The following CDIN1 variants were observed in gnomAD, a reference collection of about 807,000 sequenced individuals.
CDIN1 encodes CDAN1-interacting nuclease 1.
In CDIN1, 33 loss-of-function variants were observed where a neutral mutation model predicts 45.3. That is an observed-to-expected ratio of 0.73 (90% CI 0.55 to 0.97). The LOEUF is 0.97. CDIN1 is among the 50% of genes least tolerant of loss of function. CDIN1 has a pLI of 0.00. For missense variants in CDIN1, 303 were observed against 339.4 expected, an observed-to-expected ratio of 0.89 and a Z score of 0.84; for synonymous variants, 118 against 124.4, an observed-to-expected ratio of 0.95 and a Z score of 0.34.
chr15:36,797,931 G>T (rs1289082411), intron 10 of CDIN1, among the ~76,000 whole-genome samples: 1 of 134,758 alleles, frequency 7.4e-6, no homozygotes, highest in Non-Finnish European at 1.5e-5. Context: ...AGTGAGCCAA[G>T]ATCACACCAC....
chr15:36,659,411 A>G (rs1044965302), intron 5 of CDIN1, among the ~76,000 whole-genome samples: 2 of 152,178 alleles, frequency 1.3e-5, no homozygotes, highest in African/African-American at 4.8e-5. Flanking sequence ...TTGCATGAAT[A>G]CACTGGAGAA....
At chr15:36,692,095 A>G in intron 6 of CDIN1, 31 bp from the exon 7 acceptor site, 2 of 1,609,980 alleles carry the variant, frequency 1.2e-6, no homozygotes, top group Middle Eastern at 1.7e-4. Context: ...TAGCCGCCCC[A>G]CCCCAGACCC....
intron 10 of CDIN1, among the ~76,000 whole-genome samples, chr15:36,715,184 G>T (rs2043179727): frequency 6.6e-6 from 1 of 151,894 alleles, no homozygotes; most frequent in Non-Finnish European, 1.5e-5. Flanking sequence ...AAACGATTAA[G>T]AGCTGAGTTC....
chr15:36,699,602 C>T (rs1208696496), intron 8 of CDIN1, among the ~76,000 whole-genome samples: 1 of 152,164 alleles, frequency 6.6e-6, no homozygotes, highest in Non-Finnish European at 1.5e-5. Context: ...ATTAACCCTT[C>T]TTAATTTAAG....
At chr15:36,596,502 A>T (rs1881206476) in intron 1 of CDIN1, among the ~76,000 whole-genome samples, 1 of 152,154 alleles carries the variant, frequency 6.6e-6, no homozygotes, top group Non-Finnish European at 1.5e-5. Context: ...TTGTAAACTT[A>T]TTAATTAAGG....
intron 10 of CDIN1, among the ~76,000 whole-genome samples, chr15:36,751,833 T>G (rs1437243095): frequency 1.3e-5 from 2 of 152,126 alleles, no homozygotes; most frequent in Non-Finnish European, 2.9e-5. Flanking sequence ...AGGAACAAGA[T>G]CATGTCCTTC....
intron 1 of CDIN1, among the ~76,000 whole-genome samples, chr15:36,609,560 G>A (rs1282563420): frequency 1.3e-5 from 2 of 152,134 alleles, no homozygotes; most frequent in East Asian, 3.9e-4. Context: ...GAAGCCAGGA[G>A]TTTGAGAAAA....
At chr15:36,634,928 A>T (rs1250688344) in intron 1 of CDIN1, among the ~76,000 whole-genome samples, 1 of 152,024 alleles carries the variant, frequency 6.6e-6, no homozygotes, top group East Asian at 1.9e-4. Context: ...ATTTCTGAAA[A>T]TTTTTTGGAG....
intron 3 of CDIN1, among the ~76,000 whole-genome samples, chr15:36,652,257 G>GT (rs900868541): frequency 5.9e-5 from 9 of 152,026 alleles, no homozygotes; most frequent in African/African-American, 1.7e-4. Context: ...ACCATGAATG[G>GT]TTTTTTTTCC....
At chr15:36,592,174 C>T (rs2037608558) in intron 1 of CDIN1, among the ~76,000 whole-genome samples, 1 of 152,146 alleles carries the variant, frequency 6.6e-6, no homozygotes, top group Non-Finnish European at 1.5e-5. Context: ...ATTTTCCTGG[C>T]CAAACAGAAC....
chr15:36,780,496 T>C (rs1191625476), intron 10 of CDIN1, among the ~76,000 whole-genome samples: 1 of 152,214 alleles, frequency 6.6e-6, no homozygotes, highest in African/African-American at 2.4e-5. Flanking sequence ...TAGACTACCA[T>C]ATTTAGACAC....
At chr15:36,633,559 G>A (rs370367688) in intron 1 of CDIN1, among the ~76,000 whole-genome samples, 1 of 152,096 alleles carries the variant, frequency 6.6e-6, no homozygotes, top group Non-Finnish European at 1.5e-5. Context: ...TACCTGGTTA[G>A]CATAAGTTCC....
intron 1 of CDIN1, among the ~76,000 whole-genome samples, chr15:36,600,840 A>C (rs887057736): frequency 6.6e-6 from 1 of 152,170 alleles, no homozygotes; most frequent in African/African-American, 2.4e-5. Flanking sequence ...TTGATGTAAA[A>C]CTGGACAAAA....
intron 5 of CDIN1, among the ~76,000 whole-genome samples, chr15:36,668,698 CT>C (rs2041339150): frequency 6.6e-6 from 1 of 152,044 alleles, no homozygotes; most frequent in African/African-American, 2.4e-5. Flanking sequence ...AGTTTTTCTT[CT>C]TTTTACCTAA....
At chr15:36,639,465 C>T (rs1274062262) in intron 1 of CDIN1, among the ~76,000 whole-genome samples, 78 of 152,144 alleles carry the variant, frequency 5.1e-4, no homozygotes, top group Non-Finnish European at 1.5e-4. Flanking sequence ...ATTAGCCGGG[C>T]GTGGTGGCAG....
At chr15:36,655,620 C>T (rs11639059) in intron 4 of CDIN1, among the ~76,000 whole-genome samples, 5 of 152,150 alleles carry the variant, frequency 3.3e-5, no homozygotes, top group African/African-American at 7.2e-5. Flanking sequence ...CCACCACGCC[C>T]GGCCAGCAGG....
At chr15:36,651,094 A>G (rs893241376) in intron 3 of CDIN1, among the ~76,000 whole-genome samples, 1 of 152,124 alleles carries the variant, frequency 6.6e-6, no homozygotes, top group African/African-American at 2.4e-5. Context: ...ACAGTCTTTG[A>G]ATTCTTAGTT....
At chr15:36,758,175 T>G (rs1398825972) in intron 10 of CDIN1, among the ~76,000 whole-genome samples, 1 of 152,100 alleles carries the variant, frequency 6.6e-6, no homozygotes, top group Non-Finnish European at 1.5e-5. Flanking sequence ...CCAGCACCTT[T>G]TTCTCTGATT....
chr15:36,808,383 G>A lies in CDIN1; in HGVS notation c.776G>A (p.Arg259Gln), dbSNP rs753380905. 2.9e-5 allele frequency: 46 copies of A among 1,613,466 alleles called. No homozygotes were observed. The highest frequency in any genetic ancestry group is 3.3e-4 in the Middle Eastern group (2 of 6,080). ...YGFIQELDCN[R>Q]ERGILLKACF... ...TTTATCCAGGAGCTGGACTGCAACC[G>A]GGAAAGGGGCATCCTGCTCAAAGCC... Residue 259 changes from arginine to glutamine, a missense_variant, in exon 11 of 11, where the codon CGG becomes CAG. Transcript: ENST00000566621.
Sources: allele counts gnomAD v4.1 joint callset (sites outside exome capture counted in the v4.1 genomes callset), GRCh38; gene constraint gnomAD v4.1.1; transcripts MANE v1.5; gene names NCBI Gene and HGNC (gene_info 2026-07-23, HGNC 2026-07-21).